Variants in GALNT10 observed in about 807,000 individuals in gnomAD.
The protein encoded by GALNT10 is polypeptide N-acetylgalactosaminyltransferase 10.
Under a neutral mutation model 75.0 loss-of-function variants are expected in GALNT10, and 41 were observed. The observed-to-expected ratio is 0.55, with a 90% confidence interval of 0.43 to 0.71. The LOEUF (loss-of-function observed/expected upper bound fraction) is 0.71. Ranked by LOEUF, GALNT10 falls within the 30% of genes least tolerant of loss-of-function variation. GALNT10 has a pLI of 0.00. For synonymous variants in GALNT10, 302 were observed against 313.0 expected (o/e 0.96, Z 0.37); for missense variants, 727 against 818.5 (o/e 0.89, Z 1.36).
chr5:154,329,493 A>C, intron 3 of GALNT10, 79 bp from the exon 4 acceptor site: 1 of 1,166,840 alleles, frequency 8.6e-7, no homozygotes, highest in Non-Finnish European at 1.3e-6. Context: ...GTTTGCAGTT[A>C]GCCAAACCCT....
At chr5:154,385,567 C>T (rs1292793833) in intron 6 of GALNT10, among the ~76,000 whole-genome samples, 3 of 152,156 alleles carry the variant, frequency 2.0e-5, no homozygotes, top group South Asian at 4.1e-4. Context: ...CTCTACCTCC[C>T]GGAGTCCCTT....
Position 154,419,021 on chromosome 5 carries a change from C to T in GALNT10, c.*2049C>T, listed in dbSNP as rs1251414510. 1 of 152,352 alleles carries T rather than the reference C, an allele frequency of 6.6e-6. No individual in the cohort carries two copies. Among genetic ancestry groups the T allele is most frequent in the Admixed American group, 6.6e-5 (1 of 15,258 alleles). The allele number at this position is 152,352 out of a possible 1,614,324, so 9.4% of individuals were successfully genotyped here. ...AGAAAAATGCAAATATAGAGCAAAT[C>T]CCTAAACTTGAACCATTTCCTAGTG... On this transcript the variant is annotated 3_prime_UTR_variant, in exon 12 of 12. Coordinates refer to ENST00000297107, the MANE Select transcript of GALNT10 (RefSeq NM_198321.4).
chr5:154,400,147 T>G (rs909542500), intron 7 of GALNT10, among the ~76,000 whole-genome samples: 1 of 151,726 alleles, frequency 6.6e-6, no homozygotes, highest in Non-Finnish European at 1.5e-5. Context: ...CGAAAAGAAA[T>G]AAATATAAAA....
rs1277926474 is a variant in GALNT10, at chr5:154,376,715, A to G, written c.754+253A>G. Among the ~76,000 whole-genome samples, 1 of 152,222 alleles carries G rather than the reference A, an allele frequency of 6.6e-6. No homozygotes were observed. The highest frequency in any genetic ancestry group is 1.5e-5 in the Non-Finnish European group (1 of 68,042). ...AGTGACTTACCCAAAGTCACACAGC[A>G]CATGAGCATCTAGTGACATGACGGC... On this transcript the variant is annotated intron_variant, in intron 5 of 11. Coordinates refer to ENST00000297107, the MANE Select transcript of GALNT10 (RefSeq NM_198321.4). The surrounding 1 kb of genome is among the most constrained non-coding windows in gnomAD (Gnocchi z 4.1).
intron 3 of GALNT10, among the ~76,000 whole-genome samples, chr5:154,302,805 A>G (rs1754379987): frequency 6.6e-6 from 1 of 152,196 alleles, no homozygotes; most frequent in Non-Finnish European, 1.5e-5. Context: ...CATATACTAA[A>G]TGTCCTCAAA....
chr5:154,191,442 C>G lies in GALNT10; in HGVS notation c.159+417C>G, dbSNP rs1358179522. On this transcript the variant is annotated intron_variant, in intron 1 of 11. Coordinates refer to ENST00000297107, the MANE Select transcript of GALNT10 (RefSeq NM_198321.4). ...CTCTGCTTCCCTCCTCCCACCCCCC[C>G]CCCCCCACAACCCCTACCTGCTGAT... Among the ~76,000 whole-genome samples the G allele has an allele frequency of 3.5e-5, 5 of 144,902 alleles. No homozygotes were observed. In the East Asian group the frequency reaches 1.0e-3, roughly 30 times the overall value.
intron 1 of GALNT10, among the ~76,000 whole-genome samples, chr5:154,282,738 T>C (rs1035970431): frequency 4.6e-5 from 7 of 152,184 alleles, no homozygotes; most frequent in Admixed American, 2.6e-4. Flanking sequence ...CCTTTTATGG[T>C]ATTAAATCTT....
chr5:154,343,571 C>A (rs186706376), intron 4 of GALNT10, among the ~76,000 whole-genome samples: 13 of 152,272 alleles, frequency 8.5e-5, no homozygotes, highest in African/African-American at 3.1e-4. Flanking sequence ...GCCCATAACT[C>A]TAAATTCACT....
intron 3 of GALNT10, among the ~76,000 whole-genome samples, chr5:154,303,277 G>A (rs1006444640): frequency 4.6e-5 from 7 of 152,184 alleles, no homozygotes; most frequent in East Asian, 1.9e-4. Context: ...GGTACAGGGA[G>A]GGCAAGCCCA....
intron 1 of GALNT10, among the ~76,000 whole-genome samples, chr5:154,239,964 A>C (rs906517786): frequency 2.0e-5 from 3 of 152,202 alleles, no homozygotes; most frequent in Non-Finnish European, 4.4e-5. Flanking sequence ...AGCTCTTAGA[A>C]GACTGAATTG....
intron 1 of GALNT10, among the ~76,000 whole-genome samples, chr5:154,272,861 G>A (rs1222668676): frequency 6.6e-6 from 1 of 152,120 alleles, no homozygotes; most frequent in East Asian, 1.9e-4. Context: ...TTTTTTTACA[G>A]ACAGGGTCTC....
At chr5:154,237,458 G>A (rs1411743661) in intron 1 of GALNT10, among the ~76,000 whole-genome samples, 3 of 152,082 alleles carry the variant, frequency 2.0e-5, no homozygotes, top group African/African-American at 4.8e-5. Context: ...TCACTGTAAT[G>A]CATCCGCACG....
At chr5:154,389,272 C>A (rs1000746971) in intron 7 of GALNT10, 3 of 151,338 alleles carry the variant, frequency 2.0e-5, no homozygotes, top group Admixed American at 1.3e-4. Context: ...TATAAATATT[C>A]TAAAAATATG....
At chr5:154,404,657 C>G (rs752767040) in intron 8 of GALNT10, among the ~76,000 whole-genome samples, 1 of 152,150 alleles carries the variant, frequency 6.6e-6, no homozygotes, top group East Asian at 1.9e-4. Flanking sequence ...ACTTAGCATA[C>G]AGCTAAAGTA....
At chr5:154,345,991 G>T (rs1269584506) in intron 4 of GALNT10, among the ~76,000 whole-genome samples, 1 of 135,814 alleles carries the variant, frequency 7.4e-6, no homozygotes, top group African/African-American at 2.8e-5. Context: ...AAGAGCCAGG[G>T]TTTCACCATG....
chr5:154,338,041 T>G, intron 4 of GALNT10: 3 of 1,401,014 alleles, frequency 2.1e-6, no homozygotes, highest in Non-Finnish European at 2.0e-6. Flanking sequence ...ACTTCATTTT[T>G]CCATACTGTT....
chr5:154,206,540 A>G (rs1581918180), intron 1 of GALNT10, among the ~76,000 whole-genome samples: 1 of 152,334 alleles, frequency 6.6e-6, no homozygotes, highest in Non-Finnish European at 1.5e-5. Context: ...CGGGAAGCCA[A>G]GAGGAAGGGA....
intron 1 of GALNT10, among the ~76,000 whole-genome samples, chr5:154,283,922 G>A (rs1396519721): frequency 1.3e-5 from 2 of 152,218 alleles, no homozygotes; most frequent in African/African-American, 2.4e-5. Flanking sequence ...ATGGGTAAGC[G>A]CTGCTTGGAG....
intron 1 of GALNT10, among the ~76,000 whole-genome samples, chr5:154,279,132 C>T (rs1753998258): frequency 6.6e-6 from 1 of 152,170 alleles, no homozygotes; most frequent in African/African-American, 2.4e-5. Context: ...AAGTTTTTAA[C>T]AGCAGCTGCA....
Sources: gnomAD v4.1 joint callset for allele counts (sites outside exome capture counted in the v4.1 genomes callset) on GRCh38, gnomAD v4.1.1 for gene constraint, Gnocchi (gnomAD v3.1) non-coding constraint, MANE v1.5 for transcripts, NCBI Gene and HGNC (gene_info 2026-07-23, HGNC 2026-07-21) for gene names.